The following SPINDOC variants were observed in gnomAD, a reference collection of about 807,000 sequenced individuals.
SPINDOC encodes spindlin interactor and repressor of chromatin binding.
Under a neutral mutation model 30.7 loss-of-function variants are expected in SPINDOC, and 13 were observed. That is an observed-to-expected ratio of 0.42 (90% confidence interval 0.28 to 0.67). The LOEUF is 0.67. Ranked by LOEUF, SPINDOC falls within the 30% of genes least tolerant of loss-of-function variation. The pLI, the probability that SPINDOC is intolerant of heterozygous loss-of-function variation, is 0.22. For synonymous variants in SPINDOC, 228 were observed against 211.4 expected (o/e 1.08, Z -0.68); for missense variants, 438 against 518.0 (o/e 0.85, Z 1.50).
rs1000217433 is a variant in SPINDOC, at chr11:63,827,557, A to G, written c.*418A>G. 4.3e-6 allele frequency: 1 copy of G among 231,028 alleles called. No homozygotes were observed. Among genetic ancestry groups the G allele is most frequent in the East Asian group, 9.8e-5 (1 of 10,240 alleles). The allele number at this position is 231,028 out of a possible 1,614,324, so 14.3% of individuals were successfully genotyped here. On this transcript the variant is annotated 3_prime_UTR_variant, in exon 6 of 6. Coordinates refer to ENST00000294244, the MANE Select transcript of SPINDOC (RefSeq NM_138471.3). The stretch of plus-strand genomic sequence containing the variant: ...GGACACCTCTCCTCCCCACTTGTTC[A>G]GGCTTCTAAACCAGGAGGCCTCCAT...
chr11:63,817,712 C>A, intron 1 of SPINDOC, 93 bp from the exon 2 acceptor site: 4 of 1,160,230 alleles, frequency 3.4e-6, no homozygotes, highest in South Asian at 1.6e-5. Flanking sequence ...TCTCCTCCCC[C>A]ATCCCACTCA....
intron 5 of SPINDOC, among the ~76,000 whole-genome samples, chr11:63,821,767 G>GT (rs1160150045): frequency 6.6e-6 from 1 of 152,110 alleles, no homozygotes; most frequent in Non-Finnish European, 1.5e-5. Flanking sequence ...TTTTGTTTTT[G>GT]TTTTTTGAGA....
chr11:63,822,928 A>G (rs1366173332), intron 5 of SPINDOC: 8 of 1,260,724 alleles, frequency 6.3e-6, no homozygotes, highest in Non-Finnish European at 8.3e-6. Context: ...AAGGGGCTTC[A>G]GCAGGCTGCT....
At chr11:63,821,939 G>GCTAATTCTTAAATT (rs2015533187) in intron 5 of SPINDOC, among the ~76,000 whole-genome samples, 1 of 152,042 alleles carries the variant, frequency 6.6e-6, no homozygotes, top group Non-Finnish European at 1.5e-5. Context: ...TGTAGAGACA[G>GCTAATTCTTAAATT]GTTTTCACTG....
chr11:63,818,391 C>T lies in SPINDOC; in HGVS notation c.607+26C>T. The T allele has an allele frequency of 6.2e-7, 1 of 1,611,498 alleles. No individual in the cohort carries two copies. Among genetic ancestry groups the T allele is most frequent in the Non-Finnish European group, 8.5e-7 (1 of 1,178,688 alleles). On this transcript the variant is annotated intron_variant, in intron 3 of 5. Coordinates refer to ENST00000294244, the MANE Select transcript of SPINDOC (RefSeq NM_138471.3). The surrounding 1 kb of genome is among the most constrained non-coding windows in gnomAD (Gnocchi z 5.3). ...GTTAGTCAACAGAGAAGCCAGTGAG[C>T]CCCGGTGGAGGTGGGGGTTTGGGGA...
In SPINDOC at chr11:63,827,224, T is replaced by C; in HGVS notation, c.*85T>C. ...CTCAGAGCTGCCTGGCTCACCCACC[T>C]GGTGGAGAGAGTAGAAACAGGTGCC... On this transcript the variant is annotated 3_prime_UTR_variant, in exon 6 of 6. Coordinates refer to ENST00000294244, the MANE Select transcript of SPINDOC (RefSeq NM_138471.3). 1 of 1,546,746 alleles carries C rather than the reference T, an allele frequency of 6.5e-7. No individual in the cohort carries two copies. The highest frequency in any genetic ancestry group is 1.2e-5 in the South Asian group (1 of 82,334).
Position 63,818,198 on chromosome 11 carries a change from T to G in SPINDOC, c.458-18T>G, listed in dbSNP as rs752230960. Reference sequence around the variant, plus strand: ...TTGTTGGGGCACTAGAAGCTCATTGTGCTCTTGCTCCCTGCAGACTCGGGC... The same window carrying G: ...TTGTTGGGGCACTAGAAGCTCATTGGGCTCTTGCTCCCTGCAGACTCGGGC... On this transcript the variant is annotated intron_variant, in intron 2 of 5. Coordinates refer to ENST00000294244, the MANE Select transcript of SPINDOC (RefSeq NM_138471.3). This position sits in a 1 kb window ranked among gnomAD's most constrained non-coding sequence, Gnocchi z 5.3. 3 of 1,613,876 alleles carry G rather than the reference T, an allele frequency of 1.9e-6. No individual in the cohort carries two copies. The highest frequency in any genetic ancestry group is 2.5e-6 in the Non-Finnish European group (3 of 1,179,806).
chr11:63,821,369 CTT>C (rs1427904768), intron 5 of SPINDOC, among the ~76,000 whole-genome samples: 1 of 152,288 alleles, frequency 6.6e-6, no homozygotes, highest in South Asian at 2.1e-4. Context: ...AGGATAATCT[CTT>C]TTTGAGTCCG....
At position 63,827,548 on chromosome 11, in the gene SPINDOC, C is replaced by A. The variant is rs552102655; in HGVS notation, c.*409C>A. The A allele has an allele frequency of 1.0e-4, 25 of 238,388 alleles. 1 individual carries two copies. Among genetic ancestry groups the A allele is most frequent in the Admixed American group, 4.8e-5 (1 of 20,648 alleles). The allele number at this position is 238,388 out of a possible 1,614,324, so 14.8% of individuals were successfully genotyped here. On this transcript the variant is annotated 3_prime_UTR_variant, in exon 6 of 6. Transcript: ENST00000294244. ...TACCTCGGGGGACACCTCTCCTCCC[C>A]ACTTGTTCAGGCTTCTAAACCAGGA...
chr11:63,827,258 AG>A lies in SPINDOC; in HGVS notation c.*124del. On this transcript the variant is annotated 3_prime_UTR_variant, in exon 6 of 6. Transcript: ENST00000294244. Reference sequence around the variant, plus strand: ...GAGTAGAAACAGGTGCCAGGGCAGGAGGGGGCTGGGGCAGCATCCACTGTTA... The same window carrying A: ...GAGTAGAAACAGGTGCCAGGGCAGGAGGGGCTGGGGCAGCATCCACTGTTA... The A allele has an allele frequency of 1.4e-6, 2 of 1,479,080 alleles. No individual in the cohort carries two copies. The highest frequency in any genetic ancestry group is 1.3e-5 in the South Asian group (1 of 75,362). The allele number at this position is 1,479,080 out of a possible 1,614,324, so 91.6% of individuals were successfully genotyped here.
intron 1 of SPINDOC, among the ~76,000 whole-genome samples, chr11:63,814,271 C>T (rs1001966357): frequency 6.6e-6 from 1 of 152,246 alleles, no homozygotes; most frequent in Non-Finnish European, 1.5e-5. Context: ...CGCTGCCGAC[C>T]TCCAGGAGAA....
In SPINDOC at chr11:63,827,279, C is replaced by G; in HGVS notation, c.*140C>G. On this transcript the variant is annotated 3_prime_UTR_variant, in exon 6 of 6. Transcript: ENST00000294244. ...CAGGAGGGGGCTGGGGCAGCATCCA[C>G]TGTTATTTCGGGGCACTGGAAAGTG... 1 of 1,421,242 alleles carries G rather than the reference C, an allele frequency of 7.0e-7. No individual in the cohort carries two copies. The highest frequency in any genetic ancestry group is 9.4e-7 in the Non-Finnish European group (1 of 1,063,978). 88.0% of individuals were successfully genotyped at this position (1,421,242 alleles called of 1,614,324 possible). A position where few individuals can be genotyped will look rare whatever the true frequency, so the allele number is the denominator to read the frequency against.
At chr11:63,816,701 G>A (rs1471660470) in intron 1 of SPINDOC, among the ~76,000 whole-genome samples, 2 of 152,194 alleles carry the variant, frequency 1.3e-5, no homozygotes, top group Admixed American at 6.5e-5. Context: ...GAGCTTCCAG[G>A]CTGATGCAGG....
intron 1 of SPINDOC, among the ~76,000 whole-genome samples, chr11:63,814,372 T>C (rs2015282955): frequency 6.6e-6 from 1 of 152,140 alleles, no homozygotes; most frequent in South Asian, 2.1e-4. Flanking sequence ...GCCACAGGTG[T>C]CAAGTTCTGG....
rs765972025 is a variant in SPINDOC at position 63,813,794 on chromosome 11, G to T, written c.108G>T (p.Arg36=). ...CCATGGTGGTGGCCGTAATTCCGCG[G>T]CCCGAGCCGATGCTCAGAGGTGAGG... is the stretch of plus-strand genomic sequence containing the variant. ...EEAMVVAVIP[R]PEPMLRVTQQ... Residue 36 remains arginine (R), a synonymous_variant, in exon 1 of 6, where the codon CGG becomes CGT. Coordinates refer to ENST00000294244, the MANE Select transcript of SPINDOC (RefSeq NM_138471.3). 1 of 1,579,536 alleles carries T rather than the reference G, an allele frequency of 6.3e-7. No individual in the cohort carries two copies. The highest frequency in any genetic ancestry group is 1.8e-5 in the Admixed American group (1 of 57,128).
In SPINDOC at chr11:63,827,045, G is replaced by A. The variant is rs146914103; in HGVS notation, c.1052G>A (p.Arg351His). The A allele has an allele frequency of 6.4e-5, 103 of 1,614,094 alleles. No individual in the cohort carries two copies. The African/African-American group carries it at 8.9e-4, about 14-fold the overall frequency. Residue 351 changes from arginine to histidine, a missense_variant, in exon 6 of 6, where the codon CGT (arginine) becomes CAT (histidine). By Grantham distance (29) the Arg-to-His change is conservative. Around this residue, in one of 3 missense-constraint regions of SPINDOC, gnomAD observed 300 missense variants for 332.8 expected, o/e 0.90. Coordinates refer to ENST00000294244, the MANE Select transcript of SPINDOC (RefSeq NM_138471.3). ...TCCAGGCACCCCCAGGGCACCAAGC[G>A]TGTGGGAGCAGGTGACACCTCAGAC... ...DWSRHPQGTK[R>H]VGAGDTSDWP... is the part of the protein sequence containing the mutation.
intron 1 of SPINDOC, 134 bp downstream of exon 1, chr11:63,813,947 A>G: frequency 8.4e-7 from 1 of 1,195,144 alleles, no homozygotes. Context: ...TCCCTCTCGG[A>G]TCTGGGTCCA....
At chr11:63,819,842 T>A (rs1039193288) in intron 5 of SPINDOC, among the ~76,000 whole-genome samples, 1 of 152,198 alleles carries the variant, frequency 6.6e-6, no homozygotes, top group African/African-American at 2.4e-5. Context: ...AATTGGTCAC[T>A]GGGTCCGGGT....
In SPINDOC at chr11:63,827,076, C is replaced by A. The variant is rs201677326; in HGVS notation, c.1083C>A (p.Pro361=). 1.2e-6 allele frequency: 2 copies of A among 1,610,758 alleles called. No homozygotes were observed. The highest frequency in any genetic ancestry group is 2.7e-5 in the African/African-American group (2 of 74,798). Residue 361 remains proline, a synonymous_variant, in exon 6 of 6, where the codon CCC becomes CCA. Transcript: ENST00000294244. ...GAGCAGGTGACACCTCAGACTGGCCCACAGTTCTGTCAGAATCCAGCACCA... is the reference window on the plus strand; with the variant it reads ...GAGCAGGTGACACCTCAGACTGGCCAACAGTTCTGTCAGAATCCAGCACCA... ...RVGAGDTSDW[P]TVLSESSTTV...
Sources: allele counts gnomAD v4.1 joint callset (sites outside exome capture counted in the v4.1 genomes callset), GRCh38; gene constraint gnomAD v4.1.1; regional missense constraint gnomAD v4.1.1; non-coding constraint Gnocchi (gnomAD v3.1); transcripts MANE v1.5; gene names NCBI Gene and HGNC (gene_info 2026-07-23, HGNC 2026-07-21).